The following SIPA1L3 variants were observed in gnomAD, a reference collection of about 807,000 sequenced individuals.
The protein encoded by SIPA1L3 is signal induced proliferation associated 1 like 3.
SIPA1L3 carries 59 observed loss-of-function variants against 150.1 expected under a neutral mutation model. That is an observed-to-expected ratio of 0.39 (90% CI 0.32 to 0.49). The LOEUF (loss-of-function observed/expected upper bound fraction) is 0.49. SIPA1L3 is among the 20% of genes least tolerant of loss of function. The pLI is 0.86. For synonymous variants in SIPA1L3, 1,070 were observed against 1,077.6 expected, an observed-to-expected ratio of 0.99 and a Z score of 0.14; for missense variants, 2,211 against 2,489.5, an observed-to-expected ratio of 0.89 and a Z score of 2.38.
chr19:37,970,243 AGGCT>A (rs765654391), intron 1 of SIPA1L3, among the ~76,000 whole-genome samples: 1 of 152,236 alleles, frequency 6.6e-6, no homozygotes, highest in Non-Finnish European at 1.5e-5. Flanking sequence ...ATATTTTTTC[AGGCT>A]GGCTGGTATT....
intron 2 of SIPA1L3, among the ~76,000 whole-genome samples, chr19:38,076,013 C>T (rs994110144): frequency 5.9e-5 from 9 of 151,478 alleles, no homozygotes; most frequent in South Asian, 2.1e-4. Context: ...TGGTGGCGGG[C>T]GCGTGTAGTC....
At chr19:38,148,562 C>T (rs1600136720) in intron 12 of SIPA1L3, among the ~76,000 whole-genome samples, 1 of 152,248 alleles carries the variant, frequency 6.6e-6, no homozygotes. Context: ...ATCATCTGAC[C>T]GTCATTTTGC....
intron 1 of SIPA1L3, among the ~76,000 whole-genome samples, chr19:37,924,935 G>T (rs546473329): frequency 7.9e-5 from 12 of 151,254 alleles, no homozygotes; most frequent in African/African-American, 2.7e-4. Context: ...TGTAATCTGA[G>T]CTACTCAGGA....
intron 16 of SIPA1L3, among the ~76,000 whole-genome samples, chr19:38,183,751 C>T (rs1972613753): frequency 6.6e-6 from 1 of 151,904 alleles, no homozygotes; most frequent in African/African-American, 2.4e-5. Context: ...GACTGAAACC[C>T]CTTGATGTTG....
chr19:38,180,311 T>A (rs924413788), intron 15 of SIPA1L3, among the ~76,000 whole-genome samples: 2 of 152,152 alleles, frequency 1.3e-5, no homozygotes, highest in Admixed American at 1.3e-4. Context: ...AAATGAGAAG[T>A]CAGCAATTAA....
At chr19:37,915,576 T>C (rs1021256992) in intron 1 of SIPA1L3, among the ~76,000 whole-genome samples, 1 of 152,002 alleles carries the variant, frequency 6.6e-6, no homozygotes, top group Non-Finnish European at 1.5e-5. Flanking sequence ...GAGATGGGGT[T>C]TCACCATCTT....
rs768610257 is a variant in SIPA1L3 at position 38,130,552 on chromosome 19, G to C, written c.2923G>C (p.Gly975Arg). ...VDMTLRRNGL[G>R]QLGFHVKYDG... Reference sequence around the variant, plus strand: ...CATGACGCTTCGGCGGAACGGGCTCGGGCAGCTGGGCTTCCACGTGAAGTA... The same window carrying C: ...CATGACGCTTCGGCGGAACGGGCTCCGGCAGCTGGGCTTCCACGTGAAGTA... Residue 975 changes from glycine (G) to arginine (R), a missense_variant, in exon 10 of 22, where the codon GGG (glycine) becomes CGG (arginine). Around this residue, in one of 5 missense-constraint regions of SIPA1L3, gnomAD observed 625 missense variants for 804.2 expected, o/e 0.78. Coordinates refer to ENST00000222345, the MANE Select transcript of SIPA1L3 (RefSeq NM_015073.3). 2.5e-6 allele frequency: 4 copies of C among 1,613,700 alleles called. No homozygotes were observed. The South Asian group carries it at 3.3e-5, about 13-fold the overall frequency.
chr19:38,063,247 G>A (rs1019328154), intron 2 of SIPA1L3, among the ~76,000 whole-genome samples: 4 of 151,982 alleles, frequency 2.6e-5, no homozygotes, highest in African/African-American at 9.7e-5. Flanking sequence ...AGCTGTGTGT[G>A]TCCAGCACCT....
chr19:38,002,717 C>CAAAAAAAA (rs55737969), intron 1 of SIPA1L3, among the ~76,000 whole-genome samples: 6 of 61,420 alleles, frequency 9.8e-5, no homozygotes, highest in African/African-American at 1.4e-4. Flanking sequence ...GACTCCATCT[C>CAAAAAAAA]AAAAAAAAAA....
intron 1 of SIPA1L3, among the ~76,000 whole-genome samples, chr19:37,997,889 A>G (rs1246748198): frequency 6.6e-6 from 1 of 151,834 alleles, no homozygotes; most frequent in Non-Finnish European, 1.5e-5. Flanking sequence ...AAAGAAAAGA[A>G]AAAGAGAGAG....
At chr19:38,195,363 G>A (rs1972898792) in intron 18 of SIPA1L3, among the ~76,000 whole-genome samples, 1 of 152,114 alleles carries the variant, frequency 6.6e-6, no homozygotes, top group South Asian at 2.1e-4. Context: ...GAGCTTCTGG[G>A]CCCTCCCCTG....
chr19:37,998,174 A>G (rs1292123130), intron 1 of SIPA1L3, among the ~76,000 whole-genome samples: 1 of 152,216 alleles, frequency 6.6e-6, no homozygotes, highest in Non-Finnish European at 1.5e-5. Context: ...TGAATGGAAA[A>G]TCTGAGTCAG....
chr19:37,979,931 C>CA (rs1967162739), intron 1 of SIPA1L3, among the ~76,000 whole-genome samples: 1 of 152,232 alleles, frequency 6.6e-6, no homozygotes, highest in Non-Finnish European at 1.5e-5. Context: ...TCACTCTGAG[C>CA]ATTTCTTGGG....
chr19:38,060,744 T>C (rs950535982), intron 2 of SIPA1L3, among the ~76,000 whole-genome samples: 1 of 152,184 alleles, frequency 6.6e-6, no homozygotes, highest in Non-Finnish European at 1.5e-5. Context: ...CAGGCTGGAG[T>C]GCAATGGCCT....
At chr19:37,920,005 T>A (rs1285177427) in intron 1 of SIPA1L3, among the ~76,000 whole-genome samples, 4 of 149,882 alleles carry the variant, frequency 2.7e-5, no homozygotes, top group Non-Finnish European at 5.9e-5. Flanking sequence ...CGACTGTGCC[T>A]GGCTGGGCCC....
Position 38,182,592 on chromosome 19 carries a change from C to G in SIPA1L3, c.4282C>G (p.Gln1428Glu). ...TASAETPRPS[Q>E]LAQPSPFQLS... The stretch of plus-strand genomic sequence containing the variant: ...CAGTGCAGAGACTCCTCGGCCCTCC[C>G]AGCTGGCCCAGCCCAGCCCCTTTCA... Residue 1428 changes from glutamine to glutamate, a missense_variant, in exon 16 of 22, where the codon CAG becomes GAG. Physicochemically the swap from Gln to Glu is conservative, Grantham distance 29. Coordinates refer to ENST00000222345, the MANE Select transcript of SIPA1L3 (RefSeq NM_015073.3). 1 of 1,614,214 alleles carries G rather than the reference C, an allele frequency of 6.2e-7. No homozygotes were observed. The highest frequency in any genetic ancestry group is 2.2e-5 in the East Asian group (1 of 44,886).
intron 3 of SIPA1L3, chr19:38,087,612 G>T (rs1463334103): frequency 2.6e-5 from 4 of 152,306 alleles, no homozygotes; most frequent in Non-Finnish European, 5.9e-5. Flanking sequence ...GCCTGGAAGG[G>T]TTATAAGATA....
chr19:38,183,241 G>A (rs892884044), intron 16 of SIPA1L3, among the ~76,000 whole-genome samples: 1 of 152,194 alleles, frequency 6.6e-6, no homozygotes, highest in South Asian at 2.1e-4. Context: ...AGCAGAGAGG[G>A]GGCAGGATCT....
chr19:37,956,482 G>GT (rs34804753), intron 1 of SIPA1L3, among the ~76,000 whole-genome samples: 2,786 of 126,794 alleles, frequency 0.022, 205 homozygotes, highest in East Asian at 0.056. Flanking sequence ...AAGTATAAAA[G>GT]TTTTGTTTTT....
Sources: gnomAD v4.1 joint callset for allele counts (sites outside exome capture counted in the v4.1 genomes callset) on GRCh38, gnomAD v4.1.1 for gene constraint, gnomAD v4.1.1 regional missense constraint, MANE v1.5 for transcripts, NCBI Gene and HGNC (gene_info 2026-07-23, HGNC 2026-07-21) for gene names.